SETD4: variants seen among roughly 807,000 people sequenced by gnomAD.
The protein encoded by SETD4 is SET domain-containing protein 4.
In SETD4, 46 loss-of-function variants were observed where a neutral mutation model predicts 58.3. The ratio of observed to expected loss-of-function variants is 0.79; its 90% CI spans 0.62 to 1.01. SETD4 has a LOEUF of 1.01. SETD4 is among the 50% of genes least tolerant of loss of function. The pLI, the probability that SETD4 is intolerant of heterozygous loss-of-function variation, is 0.00. For missense variants in SETD4, 490 were observed against 523.3 expected (o/e 0.94, Z 0.62); for synonymous variants, 190 against 202.6 (o/e 0.94, Z 0.53).
In SETD4 at chr21:36,045,882, A is replaced by G. The variant is rs2064303262; in HGVS notation, c.426T>C (p.Cys142=). The G allele has an allele frequency of 6.2e-7, 1 of 1,614,086 alleles. No homozygotes were observed. The highest frequency in any genetic ancestry group is 1.3e-5 in the African/African-American group (1 of 74,934). Residue 142 remains cysteine, a synonymous_variant, in exon 6 of 12, where the codon TGT becomes TGC. Transcript: ENST00000332131. ...GAAGGTTCACCACTTCCGGCTCCAA[A>G]CAAACAGGGCAGGTATACGCCTTGG... The part of the protein sequence containing the change: ...ILPKAYTCPV[C]LEPEVVNLLP...
intron 10 of SETD4, among the ~76,000 whole-genome samples, chr21:36,037,163 T>C (rs959614490): frequency 4.6e-5 from 7 of 152,226 alleles, no homozygotes; most frequent in Non-Finnish European, 1.0e-4. Context: ...AATTGCTAAG[T>C]GCAGATTTTA....
intron 3 of SETD4, among the ~76,000 whole-genome samples, chr21:36,055,908 A>G (rs909951800): frequency 2.6e-5 from 4 of 152,178 alleles, no homozygotes; most frequent in African/African-American, 9.7e-5. Flanking sequence ...AGATGTGGGC[A>G]GGCCTTAGAC....
intron 2 of SETD4, among the ~76,000 whole-genome samples, chr21:36,058,037 A>G (rs1278590677): frequency 6.6e-6 from 1 of 152,268 alleles, no homozygotes; most frequent in Non-Finnish European, 1.5e-5. Context: ...TCATAAATTT[A>G]CATCCAAACA....
rs553532596 is a variant in SETD4 at position 36,059,831 on chromosome 21, G to C, written c.-37+516C>G. The stretch of plus-strand genomic sequence containing the variant: ...AGGTTCATTATTTGACCTAACGAAA[G>C]TCGGCATGTCCAGCTCCAGAGGCGA... On this transcript the variant is annotated intron_variant, in intron 1 of 11. Transcript: ENST00000332131. The C allele has an allele frequency of 8.1e-6, 8 of 985,502 alleles. No individual in the cohort carries two copies. The Admixed American group carries it at 4.3e-4, about 53-fold the overall frequency. 61.0% of individuals were successfully genotyped at this position (985,502 alleles called of 1,614,324 possible). A position where few individuals can be genotyped will look rare whatever the true frequency, so the allele number is the denominator to read the frequency against.
chr21:36,038,286 T>C lies in SETD4; in HGVS notation c.1065-13A>G. 2 of 1,606,070 alleles carry C rather than the reference T, an allele frequency of 1.2e-6. No individual in the cohort carries two copies. Among genetic ancestry groups the C allele is most frequent in the Non-Finnish European group, 1.7e-6 (2 of 1,178,068 alleles). On this transcript the variant is annotated splice_polypyrimidine_tract_variant and intron_variant, in intron 9 of 11. Coordinates refer to ENST00000332131, the MANE Select transcript of SETD4 (RefSeq NM_017438.5). Reference sequence around the variant, plus strand: ...TTTCCAGCATGTACTAGAACCAAAATGTTCCATGACACAATTTTAGCAGGC... The same window carrying C: ...TTTCCAGCATGTACTAGAACCAAAACGTTCCATGACACAATTTTAGCAGGC...
intron 10 of SETD4, among the ~76,000 whole-genome samples, chr21:36,037,755 G>C (rs1332794047): frequency 1.3e-5 from 2 of 152,136 alleles, no homozygotes; most frequent in Non-Finnish European, 2.9e-5. Flanking sequence ...CAGCACTTTG[G>C]GAGGCTGAGG....
intron 7 of SETD4, chr21:36,043,363 T>C (rs2064156467): frequency 4.8e-6 from 3 of 620,698 alleles, no homozygotes; most frequent in South Asian, 6.7e-5. Context: ...ACAAGGACTA[T>C]AGGTAGATTT....
rs1257053149 is a variant in SETD4, at chr21:36,060,453, A to G, written c.-143T>C. 6.6e-6 allele frequency: 1 copy of G among 152,506 alleles called. No individual in the cohort carries two copies. Among genetic ancestry groups the G allele is most frequent in the Non-Finnish European group, 1.5e-5 (1 of 68,266 alleles). The allele number at this position is 152,506 out of a possible 1,614,324, so 9.4% of individuals were successfully genotyped here. ...GAAGGCAAGTTAAAGGAACCGGCCA[A>G]AACTGCAGAGGGAGAGGCTGAAGGC... On this transcript the variant is annotated 5_prime_UTR_variant, in exon 1 of 12. Coordinates refer to ENST00000332131, the MANE Select transcript of SETD4 (RefSeq NM_017438.5).
Position 36,048,358 on chromosome 21 carries a change from C to G in SETD4, c.246G>C (p.Leu82=). The stretch of plus-strand genomic sequence containing the variant: ...TTCGAATCACTGTGTCCGTGGTGAG[C>G]AGGCAACTCTCAGGCAACGAAATAA... The part of the protein sequence containing the change: ...QMIISLPESC[L]LTTDTVIRSY... The change falls in exon 5 of 12, where the codon CTG becomes CTC. Residue 82 remains leucine, a synonymous_variant. Coordinates refer to ENST00000332131, the MANE Select transcript of SETD4 (RefSeq NM_017438.5). 1 of 1,614,086 alleles carries G rather than the reference C, an allele frequency of 6.2e-7. No homozygotes were observed. The highest frequency in any genetic ancestry group is 8.5e-7 in the Non-Finnish European group (1 of 1,180,014).
Position 36,036,374 on chromosome 21 carries a change from G to A in SETD4, c.1189-123C>T. ...CAGCAGCATGAAGTACATTCACATTGTTTAGATCCACTGCCACTCTCCAGC... is the reference window on the plus strand; with the variant it reads ...CAGCAGCATGAAGTACATTCACATTATTTAGATCCACTGCCACTCTCCAGC... On this transcript the variant is annotated intron_variant, in intron 10 of 11. Transcript: ENST00000332131. 1.7e-5 allele frequency: 17 copies of A among 1,014,740 alleles called. No homozygotes were observed. In the South Asian group the frequency reaches 1.9e-4, roughly 12 times the overall value. 62.9% of individuals were successfully genotyped at this position (1,014,740 alleles called of 1,614,324 possible).
At position 36,041,820 on chromosome 21, in the gene SETD4, G is replaced by T; in HGVS notation, c.970C>A (p.His324Asn). The change falls in exon 8 of 12, where the codon CAT (histidine) becomes AAT (asparagine). Residue 324 changes from histidine (H) to asparagine (N), a missense_variant. Transcript: ENST00000332131. ...AGAAACACTTACTCTATATAGCCAT[G>T]ATCCTTTAAAATAGAAATCTTTTTG... ...MDKKISILKDHGYIENLTFGW... is the reference protein window; with the variant it reads ...MDKKISILKDNGYIENLTFGW... The T allele has an allele frequency of 2.0e-6, 3 of 1,484,546 alleles. No individual in the cohort carries two copies. Among genetic ancestry groups the T allele is most frequent in the South Asian group, 2.4e-5 (2 of 81,802 alleles). The allele number at this position is 1,484,546 out of a possible 1,614,324, so 92.0% of individuals were successfully genotyped here.
At chr21:36,039,225 C>T (rs570678007) in intron 9 of SETD4, among the ~76,000 whole-genome samples, 1 of 151,940 alleles carries the variant, frequency 6.6e-6, no homozygotes, top group Non-Finnish European at 1.5e-5. Flanking sequence ...AAAGAAAGCA[C>T]GATAATCCGC....
intron 9 of SETD4, among the ~76,000 whole-genome samples, chr21:36,039,452 G>A (rs973963259): frequency 9.9e-5 from 15 of 152,184 alleles, no homozygotes; most frequent in South Asian, 6.2e-4. Flanking sequence ...TGAAGTGTCC[G>A]AAAAGGACTC....
chr21:36,045,278 G>A (rs192960487), intron 6 of SETD4, among the ~76,000 whole-genome samples: 11 of 152,210 alleles, frequency 7.2e-5, no homozygotes, highest in Non-Finnish European at 1.3e-4. Context: ...AAGGAGGAAC[G>A]AGGGAGAAGG....
At chr21:36,052,384 TAAAAA>T (rs143468751) in intron 4 of SETD4, among the ~76,000 whole-genome samples, 1 of 122,700 alleles carries the variant, frequency 8.1e-6, no homozygotes. Context: ...CTGTCTCTAC[TAAAAA>T]AAAAAAAAAA....
At chr21:36,038,514 G>T (rs1182999796) in intron 9 of SETD4, among the ~76,000 whole-genome samples, 1 of 152,162 alleles carries the variant, frequency 6.6e-6, no homozygotes, top group East Asian at 1.9e-4. Context: ...ACTCTCTGCA[G>T]GCAAGGGCTG....
At chr21:36,046,199 G>T (rs1344908446) in intron 5 of SETD4, among the ~76,000 whole-genome samples, 188 bp from the exon 6 acceptor site, 1 of 152,190 alleles carries the variant, frequency 6.6e-6, no homozygotes, top group African/African-American at 2.4e-5. Flanking sequence ...CAGCCCCAGT[G>T]CTAGTGCTCT....
At chr21:36,045,216 A>C (rs1056288985) in intron 6 of SETD4, among the ~76,000 whole-genome samples, 3 of 152,206 alleles carry the variant, frequency 2.0e-5, no homozygotes, top group Non-Finnish European at 4.4e-5. Context: ...GACAGCTACA[A>C]CACCAGTTTA....
intron 3 of SETD4, among the ~76,000 whole-genome samples, chr21:36,053,931 G>A (rs1255074517): frequency 6.6e-6 from 1 of 152,146 alleles, no homozygotes; most frequent in Non-Finnish European, 1.5e-5. Flanking sequence ...TCTCCACTGG[G>A]GCCTACCAGC....
Sources: allele counts gnomAD v4.1 joint callset (sites outside exome capture counted in the v4.1 genomes callset), GRCh38; gene constraint gnomAD v4.1.1; transcripts MANE v1.5; gene names NCBI Gene and HGNC (gene_info 2026-07-23, HGNC 2026-07-21).